Variants in SIAH1 observed in about 807,000 individuals in gnomAD.
SIAH1 encodes E3 ubiquitin-protein ligase SIAH1.
In SIAH1, 2 loss-of-function variants were observed where a neutral mutation model predicts 20.0. The ratio of observed to expected loss-of-function variants is 0.10; its 90% confidence interval spans 0.04 to 0.31. The LOEUF (loss-of-function observed/expected upper bound fraction) is 0.31. SIAH1 is among the 10% of genes least tolerant of loss of function. The pLI, the probability that SIAH1 is intolerant of heterozygous loss-of-function variation, is 1.00. For missense variants in SIAH1, 119 were observed against 355.3 expected, an observed-to-expected ratio of 0.33 and a Z score of 5.35; for synonymous variants, 118 against 125.3, an observed-to-expected ratio of 0.94 and a Z score of 0.39.
chr16:48,364,134 G>T (rs1960735473), intron 1 of SIAH1, among the ~76,000 whole-genome samples: 1 of 151,848 alleles, frequency 6.6e-6, no homozygotes, highest in Non-Finnish European at 1.5e-5. Context: ...ATTTTTAGTA[G>T]AGACGGGGTT....
chr16:48,369,405 T>C (rs1960926513), intron 1 of SIAH1, among the ~76,000 whole-genome samples: 1 of 152,320 alleles, frequency 6.6e-6, no homozygotes, highest in South Asian at 2.1e-4. Flanking sequence ...AATACAACAC[T>C]TGCTAAGTCA....
At chr16:48,365,929 G>T in intron 1 of SIAH1, 1 of 1,219,140 alleles carries the variant, frequency 8.2e-7, no homozygotes, top group Non-Finnish European at 1.0e-6. Context: ...GCCTCGGCCG[G>T]GGCTGGGCCT....
chr16:48,368,105 C>A (rs1450233307), intron 1 of SIAH1, among the ~76,000 whole-genome samples: 1 of 152,120 alleles, frequency 6.6e-6, no homozygotes, highest in African/African-American at 2.4e-5. Context: ...TTATAAATTA[C>A]TTATAAAAGT....
At chr16:48,365,680 A>G in intron 1 of SIAH1, 1 of 1,425,312 alleles carries the variant, frequency 7.0e-7, no homozygotes, top group Non-Finnish European at 9.1e-7. Flanking sequence ...CCTCCCTGTG[A>G]GCTCAAATTC....
intron 1 of SIAH1, among the ~76,000 whole-genome samples, chr16:48,371,554 T>A (rs984692721): frequency 6.6e-6 from 1 of 152,340 alleles, no homozygotes; most frequent in South Asian, 2.1e-4. Context: ...AAAGTATGTA[T>A]CATGGAGAGG....
intron 1 of SIAH1, chr16:48,364,736 T>A (rs1960760201): frequency 6.6e-6 from 1 of 152,424 alleles, no homozygotes; most frequent in Non-Finnish European, 1.5e-5. Flanking sequence ...CATGGTCCAG[T>A]TTACTTCAGT....
intron 1 of SIAH1, among the ~76,000 whole-genome samples, chr16:48,381,662 A>G (rs539483160): frequency 2.0e-5 from 3 of 152,360 alleles, no homozygotes; most frequent in South Asian, 4.1e-4. Flanking sequence ...AAAAGGCTAC[A>G]TATTTTAAAA....
intron 1 of SIAH1, among the ~76,000 whole-genome samples, chr16:48,374,538 A>G (rs1961056828): frequency 1.3e-5 from 2 of 152,216 alleles, no homozygotes; most frequent in Admixed American, 6.5e-5. Flanking sequence ...TAACCAAGAA[A>G]AAGAACGGGG....
intron 1 of SIAH1, among the ~76,000 whole-genome samples, chr16:48,370,750 G>A (rs1489673473): frequency 4.0e-5 from 6 of 150,000 alleles, no homozygotes; most frequent in Non-Finnish European, 5.9e-5. Context: ...AGCTCGAAGT[G>A]AGCCCAGATC....
At chr16:48,375,617 C>T (rs547188330) in intron 1 of SIAH1, among the ~76,000 whole-genome samples, 8 of 150,780 alleles carry the variant, frequency 5.3e-5, no homozygotes, top group Admixed American at 2.0e-4. Context: ...CCAGCCCGGG[C>T]GACAGAGCGA....
upstream of SIAH1, among the ~76,000 whole-genome samples, chr16:48,386,641 C>CT (rs1961474456): frequency 1.3e-5 from 2 of 152,226 alleles, no homozygotes; most frequent in Non-Finnish European, 2.9e-5. Context: ...TGCAATTTTA[C>CT]TTTCACATTT....
chr16:48,384,826 A>G (rs1302004693), intron 1 of SIAH1, among the ~76,000 whole-genome samples: 1 of 147,852 alleles, frequency 6.8e-6, no homozygotes, highest in African/African-American at 2.5e-5. Flanking sequence ...AAAGGCCGGC[A>G]CGAGGGCGCG....
In SIAH1 at chr16:48,365,665, C is replaced by T. The variant is rs941621373; in HGVS notation, c.-2-3235G>A. ...AAGCCTTTCCATCCCCAGGAGGCAACCACACCTCCCTGTGAGCTCAAATTC... is the reference window on the plus strand; with the variant it reads ...AAGCCTTTCCATCCCCAGGAGGCAATCACACCTCCCTGTGAGCTCAAATTC... On this transcript the variant is annotated intron_variant, in intron 1 of 1. Coordinates refer to ENST00000394725, the MANE Select transcript of SIAH1 (RefSeq NM_003031.4). 2.1e-6 allele frequency: 3 copies of T among 1,431,186 alleles called. No homozygotes were observed. The African/African-American group carries it at 4.3e-5, about 21-fold the overall frequency. The allele number at this position is 1,431,186 out of a possible 1,614,324, so 88.7% of individuals were successfully genotyped here.
At chr16:48,365,873 C>T in intron 1 of SIAH1, 1 of 1,242,982 alleles carries the variant, frequency 8.0e-7, no homozygotes. Flanking sequence ...CCTGAGCCAG[C>T]TCAAGAGTTA....
chr16:48,385,030 C>G (rs1043992470), intron 1 of SIAH1, among the ~76,000 whole-genome samples, 174 bp downstream of exon 1: 2 of 147,948 alleles, frequency 1.4e-5, no homozygotes, highest in Non-Finnish European at 3.0e-5. Context: ...GGGCGGGGGG[C>G]GGCGCTCGAC....
intron 1 of SIAH1, chr16:48,365,993 G>T: frequency 1.1e-6 from 1 of 905,146 alleles, no homozygotes; most frequent in South Asian, 5.5e-5. Flanking sequence ...CAGGGCGCGC[G>T]GCGCACAGGG....
In SIAH1 at chr16:48,361,958, G is replaced by A. The variant is rs777184902; in HGVS notation, c.471C>T (p.Thr157=). The A allele has an allele frequency of 1.9e-6, 3 of 1,614,084 alleles. No individual in the cohort carries two copies. Among genetic ancestry groups the A allele is most frequent in the East Asian group, 2.2e-5 (1 of 44,884 alleles). Residue 157 remains threonine (T), a synonymous_variant, in exon 2 of 2, where the codon ACC becomes ACT. Transcript: ENST00000394725. The part of the protein sequence containing the change: ...HLMHQHKSIT[T]LQGEDIVFLA... ...GAAAAACTATATCCTCTCCCTGTAGGGTTGTAATGGACTTATGCTGATGCA... is the reference window on the plus strand; with the variant it reads ...GAAAAACTATATCCTCTCCCTGTAGAGTTGTAATGGACTTATGCTGATGCA...
intron 1 of SIAH1, among the ~76,000 whole-genome samples, chr16:48,377,227 T>C (rs1961132116): frequency 6.6e-6 from 1 of 151,734 alleles, no homozygotes; most frequent in Non-Finnish European, 1.5e-5. Context: ...GACTCCCTGT[T>C]CAAAACAAAA....
At position 48,383,688 on chromosome 16, in the gene SIAH1, C is replaced by T. The variant is rs551907169; in HGVS notation, c.-3+1516G>A. On this transcript the variant is annotated intron_variant, in intron 1 of 1. Coordinates refer to ENST00000394725, the MANE Select transcript of SIAH1 (RefSeq NM_003031.4). ...ACAAAGATATAGCCATTCAAATCCC[C>T]GGCCACAGCAATTTCCAAAATGCCA... Among the ~76,000 whole-genome samples, 10 of 152,212 alleles carry T rather than the reference C, an allele frequency of 6.6e-5. No homozygotes were observed. The South Asian group carries it at 1.2e-3, about 19-fold the overall frequency.
Sources: gnomAD v4.1 joint callset for allele counts (sites outside exome capture counted in the v4.1 genomes callset) on GRCh38, gnomAD v4.1.1 for gene constraint, MANE v1.5 for transcripts, NCBI Gene and HGNC (gene_info 2026-07-23, HGNC 2026-07-21) for gene names.